Variants in SYT13 observed in about 807,000 individuals in gnomAD.
SYT13 encodes the protein synaptotagmin 13.
Under a neutral mutation model 38.6 loss-of-function variants are expected in SYT13, and 21 were observed. The ratio of observed to expected loss-of-function variants is 0.54; its 90% CI spans 0.39 to 0.78. The LOEUF (loss-of-function observed/expected upper bound fraction) is 0.78, where lower values mean the gene tolerates loss of function less well. SYT13 is among the 30% of genes least tolerant of loss of function. The probability of loss-of-function intolerance (pLI) is 0.00; values close to 1 mark genes in which losing one functional copy is unlikely to be tolerated. For synonymous variants in SYT13, 241 were observed against 237.6 expected (o/e 1.01, Z -0.13); for missense variants, 495 against 548.7 (o/e 0.90, Z 0.98).
intron 1 of SYT13, among the ~76,000 whole-genome samples, chr11:45,258,768 C>T (rs1854778188): frequency 6.6e-6 from 1 of 152,020 alleles, no homozygotes; most frequent in Non-Finnish European, 1.5e-5. Flanking sequence ...AAGGCAGAGG[C>T]GAAGACCGGG....
chr11:45,283,475 C>T (rs183460606), intron 1 of SYT13, among the ~76,000 whole-genome samples: 44 of 152,294 alleles, frequency 2.9e-4, no homozygotes, highest in African/African-American at 9.6e-4. Context: ...CATCTGTCAC[C>T]GCTAATGGTT....
At chr11:45,264,208 A>G (rs1353183930) in intron 1 of SYT13, among the ~76,000 whole-genome samples, 1 of 152,222 alleles carries the variant, frequency 6.6e-6, no homozygotes, top group Admixed American at 6.5e-5. Context: ...GCATTCTCAC[A>G]TCAGAGCCAC....
intron 1 of SYT13, among the ~76,000 whole-genome samples, chr11:45,284,444 G>A (rs953431382): frequency 6.6e-6 from 1 of 152,196 alleles, no homozygotes; most frequent in Non-Finnish European, 1.5e-5. Context: ...GGCACACAGT[G>A]TATGCTATGT....
intron 1 of SYT13, among the ~76,000 whole-genome samples, chr11:45,260,972 A>G (rs910052786): frequency 5.3e-5 from 8 of 152,332 alleles, no homozygotes; most frequent in Admixed American, 2.0e-4. Context: ...TCCACTCAGA[A>G]GCAACCCAGA....
intron 1 of SYT13, among the ~76,000 whole-genome samples, chr11:45,276,844 G>T (rs368846450): frequency 1.1e-4 from 16 of 152,194 alleles, no homozygotes; most frequent in Admixed American, 7.9e-4. Context: ...GCAGTTTAGC[G>T]ATTCCTCAAA....
intron 1 of SYT13, among the ~76,000 whole-genome samples, chr11:45,276,759 C>T (rs1321384959): frequency 6.6e-6 from 1 of 151,662 alleles, no homozygotes; most frequent in African/African-American, 2.4e-5. Context: ...ATACCAACTG[C>T]TAGCAAGGAG....
intron 1 of SYT13, among the ~76,000 whole-genome samples, chr11:45,262,473 C>G (rs894658762): frequency 1.6e-4 from 25 of 152,110 alleles, no homozygotes; most frequent in Middle Eastern, 3.2e-3. Flanking sequence ...TGCCTGTACT[C>G]TCAGTACTTT....
chr11:45,281,260 A>G (rs1408443996), intron 1 of SYT13, among the ~76,000 whole-genome samples: 1 of 152,188 alleles, frequency 6.6e-6, no homozygotes, highest in African/African-American at 2.4e-5. Context: ...CTTAGAACTA[A>G]TCTACTAGAG....
intron 1 of SYT13, among the ~76,000 whole-genome samples, chr11:45,270,994 A>T (rs1322618404): frequency 6.6e-6 from 1 of 152,208 alleles, no homozygotes; most frequent in Non-Finnish European, 1.5e-5. Flanking sequence ...ATACCATGGG[A>T]GACACAGGAG....
At chr11:45,256,634 T>C (rs1854750620) in intron 1 of SYT13, among the ~76,000 whole-genome samples, 1 of 152,176 alleles carries the variant, frequency 6.6e-6, no homozygotes, top group South Asian at 2.1e-4. Context: ...CTATATTGTT[T>C]TGGTCATAGG....
intron 1 of SYT13, among the ~76,000 whole-genome samples, chr11:45,274,413 C>G (rs2135907838): frequency 6.6e-6 from 1 of 152,324 alleles, no homozygotes; most frequent in Non-Finnish European, 1.5e-5. Flanking sequence ...TTAGATGATG[C>G]ATTGCAAAGA....
chr11:45,285,956 G>C (rs760680917), intron 1 of SYT13, 69 bp downstream of exon 1: 1 of 1,534,028 alleles, frequency 6.5e-7, no homozygotes, highest in Non-Finnish European at 8.8e-7. Flanking sequence ...TCCCACCCCA[G>C]TTCCCCCTCT....
rs1854613004 is a variant in SYT13 at position 45,246,312 on chromosome 11, G to A, written c.976+71C>T. ...GCTTACCTGTGACCATTTCCTCCCA[G>A]GCACCACCTCCCTCAGCACACACTC... On this transcript the variant is annotated intron_variant, in intron 5 of 5. Coordinates refer to ENST00000020926, the MANE Select transcript of SYT13 (RefSeq NM_020826.3). 3 of 1,576,582 alleles carry A rather than the reference G, an allele frequency of 1.9e-6. No homozygotes were observed. The African/African-American group carries it at 4.1e-5, about 21-fold the overall frequency.
In SYT13 at chr11:45,252,864, G is replaced by A. The variant is rs1854696661; in HGVS notation, c.545-142C>T. On this transcript the variant is annotated intron_variant, in intron 3 of 5. Coordinates refer to ENST00000020926, the MANE Select transcript of SYT13 (RefSeq NM_020826.3). This position sits in a 1 kb window ranked among gnomAD's most constrained non-coding sequence, Gnocchi z 4.3. ...GAAAGGCTGACCACCCTGGGCACCA[G>A]GGAATCGCCTTTCAGTGAGACATTT... 3 of 767,210 alleles carry A rather than the reference G, an allele frequency of 3.9e-6. No individual in the cohort carries two copies. The highest frequency in any genetic ancestry group is 6.4e-5 in the Admixed American group (2 of 31,396). 47.5% of individuals were successfully genotyped at this position (767,210 alleles called of 1,614,324 possible).
chr11:45,246,946 C>T lies in SYT13; in HGVS notation c.847-434G>A, dbSNP rs530819815. 3.3e-5 allele frequency among the ~76,000 whole-genome samples: 5 copies of T among 152,224 alleles called. No individual in the cohort carries two copies. In the South Asian group the frequency reaches 1.0e-3, roughly 32 times the overall value. ...TGGACCCATCAGGTTCCTGGGGCAG[C>T]GGGAGAATTGTAATTCATTACTATG... On this transcript the variant is annotated intron_variant, in intron 4 of 5. Coordinates refer to ENST00000020926, the MANE Select transcript of SYT13 (RefSeq NM_020826.3).
chr11:45,282,317 T>G (rs1476084173), intron 1 of SYT13, among the ~76,000 whole-genome samples: 1 of 152,144 alleles, frequency 6.6e-6, no homozygotes, highest in Non-Finnish European at 1.5e-5. Context: ...AGTGAGGCAC[T>G]GTCTAAGAAG....
At chr11:45,271,368 G>C (rs1306591654) in intron 1 of SYT13, among the ~76,000 whole-genome samples, 1 of 152,156 alleles carries the variant, frequency 6.6e-6, no homozygotes. Context: ...ATCAGAGAAG[G>C]CTTCCTGGAC....
At chr11:45,258,285 A>G (rs1854772865) in intron 1 of SYT13, 2 of 152,236 alleles carry the variant, frequency 1.3e-5, no homozygotes, top group Admixed American at 6.5e-5. Context: ...TCACCCTGGG[A>G]GGGACATGTA....
intron 1 of SYT13, among the ~76,000 whole-genome samples, chr11:45,271,654 G>C (rs1206018766): frequency 6.6e-6 from 1 of 152,218 alleles, no homozygotes; most frequent in Admixed American, 6.5e-5. Context: ...AGAATGACAT[G>C]AGCAAAACAG....
Sources: gnomAD v4.1 joint callset for allele counts (sites outside exome capture counted in the v4.1 genomes callset) on GRCh38, gnomAD v4.1.1 for gene constraint, Gnocchi (gnomAD v3.1) non-coding constraint, MANE v1.5 for transcripts, NCBI Gene and HGNC (gene_info 2026-07-23, HGNC 2026-07-21) for gene names.